The following DIAPH3 variants were observed in gnomAD, a reference collection of about 807,000 sequenced individuals.
DIAPH3 encodes protein diaphanous homolog 3.
Under a neutral mutation model 144.3 loss-of-function variants are expected in DIAPH3, and 117 were observed. The observed-to-expected ratio is 0.81, with a 90% CI of 0.70 to 0.95. The LOEUF (loss-of-function observed/expected upper bound fraction) is 0.95. Ranked by LOEUF, DIAPH3 falls within the 40% of genes least tolerant of loss-of-function variation. The pLI, the probability that DIAPH3 is intolerant of heterozygous loss-of-function variation, is 0.00. For synonymous variants in DIAPH3, 519 were observed against 488.9 expected, an observed-to-expected ratio of 1.06 and a Z score of -0.81; for missense variants, 1,421 against 1,412.7, an observed-to-expected ratio of 1.01 and a Z score of -0.09.
intron 4 of DIAPH3, among the ~76,000 whole-genome samples, chr13:60,067,914 T>G (rs1234241398): frequency 6.6e-6 from 1 of 152,186 alleles, no homozygotes; most frequent in Non-Finnish European, 1.5e-5. Context: ...TATAGGTGTG[T>G]GCATGCACCC....
At chr13:59,866,928 A>G (rs2043958953) in intron 21 of DIAPH3, among the ~76,000 whole-genome samples, 1 of 151,792 alleles carries the variant, frequency 6.6e-6, no homozygotes, top group South Asian at 2.1e-4. Flanking sequence ...GTACAAATTC[A>G]CTAATAAAAC....
intron 23 of DIAPH3, among the ~76,000 whole-genome samples, chr13:59,834,416 A>G (rs1372413426): frequency 2.7e-5 from 4 of 148,826 alleles, no homozygotes; most frequent in African/African-American, 9.9e-5. Flanking sequence ...AGGCAGGCCA[A>G]GAGAAAGAAG....
At chr13:60,114,187 G>GC (rs1311348268) in intron 2 of DIAPH3, among the ~76,000 whole-genome samples, 6 of 125,476 alleles carry the variant, frequency 4.8e-5, no homozygotes, top group African/African-American at 1.8e-4. Context: ...CCTAAAATGG[G>GC]CATTTTTTTT....
intron 4 of DIAPH3, among the ~76,000 whole-genome samples, chr13:60,053,509 A>C (rs1273202948): frequency 6.6e-6 from 1 of 152,148 alleles, no homozygotes; most frequent in Non-Finnish European, 1.5e-5. Context: ...CTAAGGTACA[A>C]AAAGTAATAT....
At chr13:59,744,424 C>T (rs866158687) in intron 27 of DIAPH3, among the ~76,000 whole-genome samples, 5 of 152,196 alleles carry the variant, frequency 3.3e-5, no homozygotes, top group African/African-American at 4.8e-5. Flanking sequence ...GGGCACACTC[C>T]ATTACAAGCT....
At chr13:60,000,051 G>A (rs1372359008) in intron 9 of DIAPH3, among the ~76,000 whole-genome samples, 1 of 152,124 alleles carries the variant, frequency 6.6e-6, no homozygotes, top group Non-Finnish European at 1.5e-5. Flanking sequence ...ACCAGCTTCT[G>A]TATTTTCATA....
intron 27 of DIAPH3, among the ~76,000 whole-genome samples, chr13:59,730,254 T>C (rs1328441017): frequency 6.6e-6 from 1 of 152,214 alleles, no homozygotes; most frequent in Non-Finnish European, 1.5e-5. Context: ...CTCAGGCCTC[T>C]GCCTGGCACG....
intron 27 of DIAPH3, among the ~76,000 whole-genome samples, chr13:59,696,513 C>T (rs55723839): frequency 0.023 from 3,525 of 152,234 alleles, 59 homozygotes; most frequent in Non-Finnish European, 0.037. Flanking sequence ...CATATTTATA[C>T]AGTCTGTGAT....
At chr13:60,118,355 A>G (rs948181142) in intron 2 of DIAPH3, among the ~76,000 whole-genome samples, 38 of 152,358 alleles carry the variant, frequency 2.5e-4, no homozygotes, top group Admixed American at 1.8e-3. Context: ...TTAATTTAAA[A>G]TGAAAGGAAA....
intron 5 of DIAPH3, among the ~76,000 whole-genome samples, chr13:60,041,352 C>T (rs576124967): frequency 7.9e-5 from 12 of 152,216 alleles, no homozygotes; most frequent in Admixed American, 2.0e-4. Context: ...TCTGGTAACG[C>T]GAGGTAAATT....
chr13:59,753,030 C>T (rs1255789390), intron 27 of DIAPH3, among the ~76,000 whole-genome samples: 2 of 152,086 alleles, frequency 1.3e-5, no homozygotes, highest in Non-Finnish European at 2.9e-5. Context: ...AAATATTTTA[C>T]TCTCTGGCAG....
At chr13:60,144,137 GC>G (rs1951398994) in intron 1 of DIAPH3, among the ~76,000 whole-genome samples, 1 of 152,198 alleles carries the variant, frequency 6.6e-6, no homozygotes, top group South Asian at 2.1e-4. Flanking sequence ...CTACCATGGT[GC>G]AGGGAACATT....
At chr13:59,892,564 T>C (rs1009297724) in intron 20 of DIAPH3, among the ~76,000 whole-genome samples, 84 of 151,840 alleles carry the variant, frequency 5.5e-4, no homozygotes, top group African/African-American at 1.9e-3. Flanking sequence ...AAGACTCTTT[T>C]TAAAAAATAA....
intron 17 of DIAPH3, among the ~76,000 whole-genome samples, chr13:59,927,808 T>C (rs981143108): frequency 6.6e-6 from 1 of 152,236 alleles, no homozygotes; most frequent in Admixed American, 6.5e-5. Context: ...GCTATTTTTA[T>C]AAATCACTCT....
chr13:59,805,896 G>C (rs966706561), intron 25 of DIAPH3, among the ~76,000 whole-genome samples: 3 of 151,896 alleles, frequency 2.0e-5, no homozygotes, highest in Admixed American at 2.0e-4. Context: ...AATAATAGTA[G>C]ATTTGGAAAT....
intron 5 of DIAPH3, among the ~76,000 whole-genome samples, chr13:60,036,768 C>T (rs955840722): frequency 2.0e-5 from 3 of 151,768 alleles, no homozygotes; most frequent in African/African-American, 7.3e-5. Context: ...TAAAACATGC[C>T]ATGCAAATCT....
chr13:59,750,720 A>G (rs1316309059), intron 27 of DIAPH3, among the ~76,000 whole-genome samples: 1 of 152,196 alleles, frequency 6.6e-6, no homozygotes, highest in Admixed American at 6.5e-5. Flanking sequence ...GGCCACGGTA[A>G]TGCAGTTTTA....
intron 25 of DIAPH3, among the ~76,000 whole-genome samples, chr13:59,784,134 G>C (rs2038900758): frequency 6.6e-6 from 1 of 152,144 alleles, no homozygotes; most frequent in Non-Finnish European, 1.5e-5. Context: ...CCAGGCTGGA[G>C]TGCAGTGGCG....
At chr13:59,684,060 A>C (rs1303257775) in intron 27 of DIAPH3, among the ~76,000 whole-genome samples, 1 of 152,124 alleles carries the variant, frequency 6.6e-6, no homozygotes, top group East Asian at 1.9e-4. Flanking sequence ...GGAAAAAAAA[A>C]AAAACAAGGC....
Sources: allele counts gnomAD v4.1 joint callset (sites outside exome capture counted in the v4.1 genomes callset), GRCh38; gene constraint gnomAD v4.1.1; transcripts MANE v1.5; gene names NCBI Gene and HGNC (gene_info 2026-07-23, HGNC 2026-07-21).